The following PALLD variants were observed in gnomAD, a reference collection of about 807,000 sequenced individuals.
The protein encoded by PALLD is palladin, cytoskeletal associated protein.
Under a neutral mutation model 123.5 loss-of-function variants are expected in PALLD, and 61 were observed. That is an observed-to-expected ratio of 0.49 (90% CI 0.40 to 0.61). PALLD has a LOEUF of 0.61. Among genes scored for constraint, PALLD ranks in the 20% least tolerant of loss-of-function variants. The pLI is 0.00. For missense variants in PALLD, 1,273 were observed against 1,377.0 expected (o/e 0.92, Z 1.20); for synonymous variants, 465 against 496.4 (o/e 0.94, Z 0.84).
chr4:168,659,463 C>T (rs1221224806), intron 2 of PALLD, among the ~76,000 whole-genome samples: 3 of 152,126 alleles, frequency 2.0e-5, no homozygotes, highest in African/African-American at 7.2e-5. Flanking sequence ...CCTGAAATCA[C>T]CCGTGACATC....
chr4:168,732,207 C>G (rs1477289803), intron 10 of PALLD, among the ~76,000 whole-genome samples: 1 of 152,188 alleles, frequency 6.6e-6, no homozygotes, highest in Non-Finnish European at 1.5e-5. Flanking sequence ...CCCTATTCCA[C>G]AATATCATGT....
At position 168,926,744 on chromosome 4, in the gene PALLD, C is replaced by T. The variant is rs780929541; in HGVS notation, c.*564C>T. ...ACACAAGATATAGGTGCTGTGTAGC[C>T]TGATAGTGTGAAATGTTTAATGAGG... is the stretch of plus-strand genomic sequence containing the variant. On this transcript the variant is annotated 3_prime_UTR_variant, in exon 22 of 22. Transcript: ENST00000505667. 7.7e-6 allele frequency: 2 copies of T among 260,902 alleles called. No homozygotes were observed. Among genetic ancestry groups the T allele is most frequent in the Non-Finnish European group, 1.5e-5 (2 of 135,238 alleles). 16.2% of individuals were successfully genotyped at this position (260,902 alleles called of 1,614,324 possible). A position where few individuals can be genotyped will look rare whatever the true frequency, so the allele number is the denominator to read the frequency against.
At chr4:168,623,310 G>T (rs2149802189) in intron 2 of PALLD, among the ~76,000 whole-genome samples, 1 of 152,284 alleles carries the variant, frequency 6.6e-6, no homozygotes, top group Middle Eastern at 3.4e-3. Context: ...GGAAGTAGTT[G>T]TTTAAGCTAC....
chr4:168,711,958 A>G (rs758830104), intron 10 of PALLD, 35 bp downstream of exon 10: 5 of 1,553,320 alleles, frequency 3.2e-6, no homozygotes, highest in Non-Finnish European at 3.6e-6. Context: ...AATAATTTCC[A>G]TACCCCTGTT....
chr4:168,582,310 G>A (rs1770368327), intron 2 of PALLD, among the ~76,000 whole-genome samples: 1 of 151,942 alleles, frequency 6.6e-6, no homozygotes, highest in South Asian at 2.1e-4. Context: ...ACTGACTTTT[G>A]TATGTTGACT....
intron 10 of PALLD, among the ~76,000 whole-genome samples, chr4:168,747,738 C>G (rs1730514227): frequency 6.6e-6 from 1 of 152,164 alleles, no homozygotes; most frequent in Non-Finnish European, 1.5e-5. Context: ...ACTTTCCCAA[C>G]CAAAACGTTA....
chr4:168,798,228 G>A (rs1228989480), intron 10 of PALLD, among the ~76,000 whole-genome samples: 1 of 152,060 alleles, frequency 6.6e-6, no homozygotes, highest in Non-Finnish European at 1.5e-5. Context: ...TATCTAAAAG[G>A]CCTTGCCATA....
intron 10 of PALLD, among the ~76,000 whole-genome samples, chr4:168,821,879 CAAAA>C (rs910886193): frequency 1.7e-5 from 1 of 58,302 alleles, no homozygotes; most frequent in Admixed American, 2.0e-4. Flanking sequence ...AACGCTGTCT[CAAAA>C]AAAAAAAAAA....
chr4:168,912,767 C>T (rs1301309105), intron 15 of PALLD, among the ~76,000 whole-genome samples: 1 of 152,132 alleles, frequency 6.6e-6, no homozygotes, highest in Non-Finnish European at 1.5e-5. Flanking sequence ...TGAAAATACA[C>T]AATAAATTAT....
chr4:168,763,230 A>T (rs1012881481), intron 10 of PALLD, among the ~76,000 whole-genome samples: 19 of 152,348 alleles, frequency 1.2e-4, no homozygotes, highest in Non-Finnish European at 2.5e-4. Flanking sequence ...GCTTGAAATC[A>T]GTTACAACAC....
At position 168,681,344 on chromosome 4, in the gene PALLD, C is replaced by A; in HGVS notation, c.1100C>A (p.Thr367Lys). The change falls in exon 4 of 22, where the codon ACA (threonine) becomes AAA (lysine). Residue 367 changes from threonine to lysine, a missense_variant. Coordinates refer to ENST00000505667, the MANE Select transcript of PALLD (RefSeq NM_001166108.2). ...AEVFIEGASS[T>K]DSDSESLAFK... ...AATACTTTCCCAGGTGCCAGTTCAA[C>A]AGATTCTGACAGTGAAAGTTTAGCT... The A allele has an allele frequency of 6.2e-7, 1 of 1,604,316 alleles. No individual in the cohort carries two copies.
At chr4:168,653,550 A>G (rs2149929610) in intron 2 of PALLD, among the ~76,000 whole-genome samples, 1 of 152,330 alleles carries the variant, frequency 6.6e-6, no homozygotes, top group Non-Finnish European at 1.5e-5. Flanking sequence ...AAGGAGAGAT[A>G]TGGCTGAGGC....
chr4:168,862,170 T>C (rs575156383), intron 10 of PALLD, among the ~76,000 whole-genome samples: 13 of 152,318 alleles, frequency 8.5e-5, no homozygotes, highest in Non-Finnish European at 1.5e-4. Context: ...AAAGTTGTTT[T>C]GTTTGCTTTG....
chr4:168,591,522 T>C (rs2149690129), intron 2 of PALLD, among the ~76,000 whole-genome samples: 1 of 152,258 alleles, frequency 6.6e-6, no homozygotes, highest in South Asian at 2.1e-4. Context: ...TAAAAAGTAG[T>C]CACAATTTTA....
At chr4:168,749,551 G>A (rs6839862) in intron 10 of PALLD, among the ~76,000 whole-genome samples, 84,734 of 151,746 alleles carry the variant, frequency 0.56, 23,990 homozygotes, top group African/African-American at 0.65. Flanking sequence ...TACTAAAACT[G>A]CAAAAATTAG....
At chr4:168,817,520 C>T (rs1742144242) in intron 10 of PALLD, among the ~76,000 whole-genome samples, 1 of 152,134 alleles carries the variant, frequency 6.6e-6, no homozygotes, top group Admixed American at 6.5e-5. Context: ...AGGCAAATTA[C>T]GCAAAGAAAC....
At chr4:168,786,422 C>G (rs1393456947) in intron 10 of PALLD, among the ~76,000 whole-genome samples, 1 of 152,062 alleles carries the variant, frequency 6.6e-6, no homozygotes, top group East Asian at 1.9e-4. Flanking sequence ...ACCTGTAATC[C>G]TAGCACTTTG....
chr4:168,831,941 G>A (rs2150854902), intron 10 of PALLD: 1 of 919,524 alleles, frequency 1.1e-6, no homozygotes, highest in Non-Finnish European at 1.3e-6. Context: ...TCCCTAACCT[G>A]GGGGCCGCGT....
intron 10 of PALLD, among the ~76,000 whole-genome samples, chr4:168,850,882 G>C (rs1181183183): frequency 6.6e-6 from 1 of 152,096 alleles, no homozygotes; most frequent in Non-Finnish European, 1.5e-5. Context: ...AGTAGTAGCT[G>C]AGTATTATAC....
Sources: gnomAD v4.1 joint callset for allele counts (sites outside exome capture counted in the v4.1 genomes callset) on GRCh38, gnomAD v4.1.1 for gene constraint, MANE v1.5 for transcripts, NCBI Gene and HGNC (gene_info 2026-07-23, HGNC 2026-07-21) for gene names.